Variants in RALGAPB observed in about 807,000 individuals in gnomAD.
The protein encoded by RALGAPB is ral GTPase-activating protein subunit beta.
RALGAPB carries 25 observed loss-of-function variants against 161.1 expected under a neutral mutation model. That is an observed-to-expected ratio of 0.16 (90% CI 0.11 to 0.22). The LOEUF is 0.22. RALGAPB is among the 10% of genes least tolerant of loss of function. RALGAPB has a pLI of 1.00. For synonymous variants in RALGAPB, 629 were observed against 626.1 expected, an observed-to-expected ratio of 1.00 and a Z score of -0.07; for missense variants, 1,391 against 1,815.2, an observed-to-expected ratio of 0.77 and a Z score of 4.25.
At chr20:38,513,988 G>A (rs2086051688) in intron 6 of RALGAPB, among the ~76,000 whole-genome samples, 1 of 152,094 alleles carries the variant, frequency 6.6e-6, no homozygotes, top group South Asian at 2.1e-4. Flanking sequence ...AACTCTAGTC[G>A]AGTCTTTTTT....
Position 38,558,460 on chromosome 20 carries a change from G to A in RALGAPB, c.3531+7G>A, listed in dbSNP as rs200951299. 8.4e-5 allele frequency: 130 copies of A among 1,553,730 alleles called. No individual in the cohort carries two copies. The highest frequency in any genetic ancestry group is 1.7e-4 in the Middle Eastern group (1 of 5,794). On this transcript the variant is annotated splice_region_variant and intron_variant, in intron 23 of 29. Coordinates refer to ENST00000262879, the MANE Select transcript of RALGAPB (RefSeq NM_020336.4). ...TCAGAAAACGAACCAAGAGGTAAGA[G>A]TTACGAATTTTTTTTTTTTGGTATG...
At position 38,575,539 on chromosome 20, in the gene RALGAPB, C is replaced by T. The variant is rs1601104718; in HGVS notation, c.*572C>T. On this transcript the variant is annotated 3_prime_UTR_variant, in exon 30 of 30. Transcript: ENST00000262879. Reference sequence around the variant, plus strand: ...TTTTTTGCTCAGATAAGAAGCCTGACATTAAAAGATGTCATATTTTTTTCT... The same window carrying T: ...TTTTTTGCTCAGATAAGAAGCCTGATATTAAAAGATGTCATATTTTTTTCT... The T allele has an allele frequency of 6.5e-6, 1 of 153,934 alleles. No homozygotes were observed. Among genetic ancestry groups the T allele is most frequent in the African/African-American group, 2.4e-5 (1 of 41,572 alleles). The allele number at this position is 153,934 out of a possible 1,614,324, so 9.5% of individuals were successfully genotyped here. A position where few individuals can be genotyped will look rare whatever the true frequency, so the allele number is the denominator to read the frequency against.
At chr20:38,488,289 G>A in intron 1 of RALGAPB, 114 bp from the exon 2 acceptor site, 1 of 637,966 alleles carries the variant, frequency 1.6e-6, no homozygotes, top group Non-Finnish European at 2.6e-6. Flanking sequence ...CATTGATAGA[G>A]GCAAGATGTT....
chr20:38,496,483 A>G (rs1418739067), intron 3 of RALGAPB, among the ~76,000 whole-genome samples: 1 of 152,168 alleles, frequency 6.6e-6, no homozygotes, highest in Non-Finnish European at 1.5e-5. Flanking sequence ...GGTTTCCCAT[A>G]AGAGATCTGG....
At chr20:38,480,726 C>T in intron 1 of RALGAPB, among the ~76,000 whole-genome samples, 1 of 103,316 alleles carries the variant, frequency 9.7e-6, no homozygotes, top group African/African-American at 3.5e-5. Flanking sequence ...CTGTGACTCC[C>T]CCACCCCCGC....
At chr20:38,566,236 T>TC (rs985299826) in intron 25 of RALGAPB, among the ~76,000 whole-genome samples, 1 of 152,180 alleles carries the variant, frequency 6.6e-6, no homozygotes, top group African/African-American at 2.4e-5. Context: ...TCTAGGCCCC[T>TC]CCCTGTCTTA....
At chr20:38,548,877 C>A in intron 20 of RALGAPB, 82 bp downstream of exon 20, 1 of 1,196,814 alleles carries the variant, frequency 8.4e-7, no homozygotes, top group Non-Finnish European at 1.2e-6. Flanking sequence ...AGACACAGAT[C>A]AAATAAATAT....
intron 28 of RALGAPB, among the ~76,000 whole-genome samples, chr20:38,573,315 C>CT (rs71869594): frequency 0.041 from 5,859 of 143,230 alleles, 112 homozygotes; most frequent in Admixed American, 0.05. Flanking sequence ...ATTGATTTTT[C>CT]TTTTTTTTTT....
chr20:38,560,372 G>A (rs1159438988), intron 23 of RALGAPB, among the ~76,000 whole-genome samples: 6 of 152,308 alleles, frequency 3.9e-5, no homozygotes, highest in East Asian at 3.9e-4. Context: ...GGTATTTAAG[G>A]TGTGCCTTAA....
chr20:38,552,628 AAGAC>A (rs2145442637), intron 21 of RALGAPB, among the ~76,000 whole-genome samples: 1 of 152,282 alleles, frequency 6.6e-6, no homozygotes, highest in South Asian at 2.1e-4. Context: ...AGATGCTTCT[AAGAC>A]AGAAGGAGAG....
chr20:38,485,254 C>T (rs2085081769), intron 1 of RALGAPB, among the ~76,000 whole-genome samples: 1 of 152,114 alleles, frequency 6.6e-6, no homozygotes, highest in African/African-American at 2.4e-5. Context: ...TACAGGATGT[C>T]TAGATTTCCT....
chr20:38,512,904 C>T (rs745316384), intron 6 of RALGAPB, among the ~76,000 whole-genome samples: 4 of 152,174 alleles, frequency 2.6e-5, no homozygotes, highest in Admixed American at 6.5e-5. Context: ...GGACTACAGG[C>T]GCCCACCACC....
chr20:38,546,456 C>A, intron 19 of RALGAPB, 26 bp downstream of exon 19: 1 of 1,613,408 alleles, frequency 6.2e-7, no homozygotes. Flanking sequence ...TTTGAGCCTT[C>A]TCTACTGCTT....
chr20:38,504,931 A>T (rs1438596408), intron 5 of RALGAPB, among the ~76,000 whole-genome samples: 1 of 152,158 alleles, frequency 6.6e-6, no homozygotes, highest in African/African-American at 2.4e-5. Context: ...AAAACAGTAG[A>T]TGCTGGCAAG....
chr20:38,542,594 C>G (rs186052892), intron 18 of RALGAPB, among the ~76,000 whole-genome samples: 101 of 152,204 alleles, frequency 6.6e-4, no homozygotes, highest in African/African-American at 2.1e-3. Context: ...GGCCAGGGTA[C>G]CCTTAAAAGT....
rs749810910 is a variant in RALGAPB at position 38,521,529 on chromosome 20, C to T, written c.1450C>T (p.Arg484Trp). 33 of 1,613,940 alleles carry T rather than the reference C, an allele frequency of 2.0e-5. No individual in the cohort carries two copies. Among genetic ancestry groups the T allele is most frequent in the Middle Eastern group, 1.6e-4 (1 of 6,084 alleles). The change falls in exon 10 of 30, where the codon CGG becomes TGG. Residue 484 changes from arginine to tryptophan, a missense_variant. Around this residue, in one of 3 missense-constraint regions of RALGAPB, gnomAD observed 946 missense variants for 1,257.2 expected, o/e 0.75. Coordinates refer to ENST00000262879, the MANE Select transcript of RALGAPB (RefSeq NM_020336.4). ...ITTQASMEFR[R>W]KGSQMSTDTM... ...AACACAAGCTAGCATGGAGTTTCGA[C>T]GGAAAGGGTCACAAATGTCCACAGA...
chr20:38,532,832 C>T lies in RALGAPB; in HGVS notation c.2218C>T (p.Pro740Ser). The change falls in exon 15 of 30, where the codon CCT becomes TCT. Residue 740 changes from proline to serine, a missense_variant. Pro to Ser is a moderately conservative substitution (Grantham distance 74). This residue lies in a region of RALGAPB where 946 missense variants were observed against 1,257.2 expected (regional missense o/e 0.75). Transcript: ENST00000262879. ...GCCCACGACTCCCGATAGTGAGAGA[C>T]CTGCTCAAGCTCTCTTAAGAGATTA... ...TEPTTPDSER[P>S]AQALLRDYAL... 6.2e-7 allele frequency: 1 copy of T among 1,614,122 alleles called. No individual in the cohort carries two copies.
At chr20:38,549,549 A>AATATATAT (rs1555882891) in intron 20 of RALGAPB, among the ~76,000 whole-genome samples, 2 of 131,076 alleles carry the variant, frequency 1.5e-5, no homozygotes, top group African/African-American at 2.9e-5. Context: ...AAAAAAAAAA[A>AATATATAT]ATATATATAT....
chr20:38,485,673 C>T (rs539717749), intron 1 of RALGAPB, among the ~76,000 whole-genome samples: 200 of 152,138 alleles, frequency 1.3e-3, no homozygotes, highest in South Asian at 7.3e-3. Context: ...GTGATCTGCC[C>T]GCCTCGGCCT....
Sources: allele counts gnomAD v4.1 joint callset (sites outside exome capture counted in the v4.1 genomes callset), GRCh38; gene constraint gnomAD v4.1.1; regional missense constraint gnomAD v4.1.1; transcripts MANE v1.5; gene names NCBI Gene and HGNC (gene_info 2026-07-23, HGNC 2026-07-21).